CADM2: variants seen among roughly 807,000 people sequenced by gnomAD.
CADM2 encodes the protein cell adhesion molecule 2.
CADM2 carries 12 observed loss-of-function variants against 49.8 expected under a neutral mutation model. That is an observed-to-expected ratio of 0.24 (90% CI 0.15 to 0.39). The LOEUF is 0.39. Ranked by LOEUF, CADM2 falls within the 10% of genes least tolerant of loss-of-function variation. The pLI, the probability that CADM2 is intolerant of heterozygous loss-of-function variation, is 1.00. For synonymous variants in CADM2, 214 were observed against 175.4 expected, an observed-to-expected ratio of 1.22 and a Z score of -1.74; for missense variants, 378 against 492.3, an observed-to-expected ratio of 0.77 and a Z score of 2.20.
chr3:85,400,864 T>C (rs936789049), intron 1 of CADM2, among the ~76,000 whole-genome samples: 2 of 152,142 alleles, frequency 1.3e-5, no homozygotes, highest in African/African-American at 4.8e-5. Flanking sequence ...AGCACTTCTC[T>C]TTTGTGTCAT....
chr3:85,919,344 C>G (rs542961294), intron 6 of CADM2, among the ~76,000 whole-genome samples: 48 of 151,860 alleles, frequency 3.2e-4, no homozygotes, highest in African/African-American at 1.1e-3. Flanking sequence ...CCTGCATGTA[C>G]ACCCAAAAAA....
intron 1 of CADM2, among the ~76,000 whole-genome samples, chr3:85,520,443 G>T (rs549632452): frequency 2.6e-5 from 4 of 151,850 alleles, no homozygotes; most frequent in Non-Finnish European, 5.9e-5. Context: ...TGCTAATTCT[G>T]AATTTTTATA....
chr3:85,959,060 A>G (rs139711363), intron 7 of CADM2, among the ~76,000 whole-genome samples: 4 of 150,922 alleles, frequency 2.7e-5, no homozygotes, highest in Admixed American at 6.7e-5. Context: ...CTATATATCT[A>G]TATCTATATA....
At chr3:85,508,472 C>G (rs1258396133) in intron 1 of CADM2, among the ~76,000 whole-genome samples, 2 of 152,152 alleles carry the variant, frequency 1.3e-5, no homozygotes, top group African/African-American at 4.8e-5. Flanking sequence ...AAGGCAAACA[C>G]TTTTTCTACT....
At chr3:85,664,958 A>T (rs1240859316) in intron 1 of CADM2, among the ~76,000 whole-genome samples, 1 of 151,832 alleles carries the variant, frequency 6.6e-6, no homozygotes, top group Admixed American at 6.6e-5. Context: ...TTCTCTTTCC[A>T]CCAACTAGAA....
At chr3:85,283,593 G>A (rs1053671553) in intron 1 of CADM2, among the ~76,000 whole-genome samples, 1 of 151,936 alleles carries the variant, frequency 6.6e-6, no homozygotes, top group Non-Finnish European at 1.5e-5. Context: ...ACTTGTGTAT[G>A]CAAACATATG....
In CADM2 at chr3:85,239,510, A is replaced by T. The variant is rs72915095; in HGVS notation, c.61+279842A>T. 6.3e-3 allele frequency among the ~76,000 whole-genome samples: 962 copies of T among 151,750 alleles called. 13 individuals carry two copies. The highest frequency in any genetic ancestry group is 0.022 in the African/African-American group (897 of 41,490). ...TTAGATTTTTAAACATGGATATATG[A>T]GGGACTTCATTTTTAACGAATTTAA... On this transcript the variant is annotated intron_variant, in intron 1 of 9. Transcript: ENST00000383699.
intron 1 of CADM2, among the ~76,000 whole-genome samples, chr3:85,192,858 A>G: frequency 6.6e-6 from 1 of 152,086 alleles, no homozygotes; most frequent in South Asian, 2.1e-4. Context: ...AAAAGTCCAA[A>G]TTTGACCAAG....
intron 1 of CADM2, among the ~76,000 whole-genome samples, chr3:85,212,781 T>G (rs2041808624): frequency 6.6e-6 from 1 of 151,782 alleles, no homozygotes. Context: ...CCAGTGAATT[T>G]TTTGCCTTCA....
At chr3:86,012,594 C>G in intron 8 of CADM2, 1 of 1,573,014 alleles carries the variant, frequency 6.4e-7, no homozygotes, top group Non-Finnish European at 8.6e-7. Context: ...CAACTGCACG[C>G]GAAGCGCACG....
intron 3 of CADM2, among the ~76,000 whole-genome samples, chr3:85,813,990 T>C (rs908650460): frequency 6.6e-6 from 1 of 152,290 alleles, no homozygotes; most frequent in Admixed American, 6.5e-5. Context: ...CCAGCTTTGT[T>C]CTTGTTACTT....
chr3:85,030,961 G>T (rs1166760560), intron 1 of CADM2, among the ~76,000 whole-genome samples: 1 of 152,126 alleles, frequency 6.6e-6, no homozygotes, highest in African/African-American at 2.4e-5. Context: ...AGGTGGGGAC[G>T]ATGTAAGGAA....
chr3:85,272,214 G>A (rs1014490481), intron 1 of CADM2, among the ~76,000 whole-genome samples: 1 of 151,126 alleles, frequency 6.6e-6, no homozygotes, highest in South Asian at 2.1e-4. Flanking sequence ...AACACCCTCA[G>A]AAAAAGAGGG....
intron 1 of CADM2, among the ~76,000 whole-genome samples, chr3:84,984,510 T>C (rs955794181): frequency 6.6e-6 from 1 of 151,794 alleles, no homozygotes; most frequent in African/African-American, 2.4e-5. Flanking sequence ...TTGCAGTCTT[T>C]CATCTTTACT....
intron 1 of CADM2, among the ~76,000 whole-genome samples, chr3:85,469,244 T>C (rs1414547858): frequency 6.6e-6 from 1 of 152,206 alleles, no homozygotes; most frequent in Non-Finnish European, 1.5e-5. Flanking sequence ...TAAAACAGTA[T>C]AATCAAATTA....
intron 1 of CADM2, among the ~76,000 whole-genome samples, chr3:85,020,126 GTTTA>G (rs961822613): frequency 2.0e-5 from 3 of 152,076 alleles, no homozygotes; most frequent in African/African-American, 4.8e-5. Flanking sequence ...TTCTGGGGCA[GTTTA>G]TTTATTTTAT....
At chr3:86,046,199 A>G (rs568769129) in intron 8 of CADM2, among the ~76,000 whole-genome samples, 2 of 152,024 alleles carry the variant, frequency 1.3e-5, no homozygotes, top group Admixed American at 1.3e-4. Flanking sequence ...TTATGTTTTT[A>G]TTTTTTCATT....
intron 1 of CADM2, among the ~76,000 whole-genome samples, chr3:85,171,949 T>C (rs28416921): frequency 6.6e-6 from 1 of 152,202 alleles, no homozygotes; most frequent in Admixed American, 6.5e-5. Flanking sequence ...GACTATATAA[T>C]TACAGCTGAT....
At chr3:85,452,960 T>C (rs953010995) in intron 1 of CADM2, among the ~76,000 whole-genome samples, 2 of 152,024 alleles carry the variant, frequency 1.3e-5, no homozygotes, top group Admixed American at 6.6e-5. Flanking sequence ...CAGAAAAATA[T>C]ACACACACAC....
Sources: allele counts gnomAD v4.1 joint callset (sites outside exome capture counted in the v4.1 genomes callset), GRCh38; gene constraint gnomAD v4.1.1; transcripts MANE v1.5; gene names NCBI Gene and HGNC (gene_info 2026-07-23, HGNC 2026-07-21).